SLC4A4: variants seen among roughly 807,000 people sequenced by gnomAD.
SLC4A4 encodes the protein solute carrier family 4 member 4.
In SLC4A4, 27 loss-of-function variants were observed where a neutral mutation model predicts 111.5. The ratio of observed to expected loss-of-function variants is 0.24; its 90% CI spans 0.18 to 0.33. SLC4A4 has a LOEUF of 0.33. Ranked by LOEUF, SLC4A4 falls within the 10% of genes least tolerant of loss-of-function variation. The probability of loss-of-function intolerance (pLI) is 1.00; values close to 1 mark genes in which losing one functional copy is unlikely to be tolerated. For missense variants in SLC4A4, 909 were observed against 1,315.5 expected (o/e 0.69, Z 4.78); for synonymous variants, 443 against 463.4 (o/e 0.96, Z 0.57).
At chr4:71,360,347 T>G (rs1730665622) in intron 6 of SLC4A4, among the ~76,000 whole-genome samples, 1 of 152,218 alleles carries the variant, frequency 6.6e-6, no homozygotes, top group Non-Finnish European at 1.5e-5. Flanking sequence ...TTAAATTTTT[T>G]TTTTTGACCA....
chr4:71,160,670 A>C (rs553085206), intron 2 of SLC4A4, among the ~76,000 whole-genome samples: 1 of 124,710 alleles, frequency 8.0e-6, no homozygotes, highest in East Asian at 2.0e-4. Flanking sequence ...GAAAAAAAGA[A>C]AGGAATGATT....
At chr4:71,549,046 C>A (rs982558594) in intron 20 of SLC4A4, among the ~76,000 whole-genome samples, 12 of 151,950 alleles carry the variant, frequency 7.9e-5, no homozygotes, top group African/African-American at 2.9e-4. Context: ...ATATGTATCT[C>A]ATCTTAGACA....
intron 2 of SLC4A4, among the ~76,000 whole-genome samples, chr4:71,151,545 T>A (rs1399895894): frequency 6.6e-6 from 1 of 152,136 alleles, no homozygotes; most frequent in Admixed American, 6.6e-5. Flanking sequence ...CATCTGTTCT[T>A]TCCTCTGTTT....
intron 14 of SLC4A4, among the ~76,000 whole-genome samples, chr4:71,482,247 G>A (rs1728950021): frequency 6.6e-6 from 1 of 151,558 alleles, no homozygotes. Flanking sequence ...CTTTTTAAAT[G>A]TATTTATTTT....
chr4:71,229,788 A>G (rs1389726537), intron 1 of SLC4A4, among the ~76,000 whole-genome samples: 2 of 149,366 alleles, frequency 1.3e-5, no homozygotes, highest in Non-Finnish European at 3.0e-5. Flanking sequence ...TGGGAATGAA[A>G]GGCCTTCTTA....
At chr4:71,562,659 T>C (rs141578018) in intron 23 of SLC4A4, among the ~76,000 whole-genome samples, 1,895 of 151,922 alleles carry the variant, frequency 0.012, 39 homozygotes, top group African/African-American at 0.043. Context: ...GCATGTGAGA[T>C]GGGTCTCCTG....
intron 3 of SLC4A4, among the ~76,000 whole-genome samples, chr4:71,304,255 G>T (rs1473032373): frequency 1.3e-5 from 2 of 152,172 alleles, no homozygotes; most frequent in Admixed American, 1.3e-4. Flanking sequence ...CCCACAGTCT[G>T]CTGTCTGCAA....
At chr4:71,408,942 T>C (rs891056384) in intron 7 of SLC4A4, among the ~76,000 whole-genome samples, 20 of 152,326 alleles carry the variant, frequency 1.3e-4, no homozygotes, top group African/African-American at 4.8e-4. Flanking sequence ...TTTCCTTTTC[T>C]ATTCTCATGA....
At chr4:71,236,679 G>A in intron 2 of SLC4A4, 30 bp downstream of exon 2, 1 of 1,553,864 alleles carries the variant, frequency 6.4e-7, no homozygotes, top group Non-Finnish European at 8.9e-7. Context: ...GAAAGTGTCT[G>A]TTGACATACA....
intron 2 of SLC4A4, among the ~76,000 whole-genome samples, chr4:71,129,593 G>A (rs941496518): frequency 6.6e-6 from 1 of 151,980 alleles, no homozygotes; most frequent in African/African-American, 2.4e-5. Flanking sequence ...ATTACCATTC[G>A]ACCCAGTAAT....
intron 3 of SLC4A4, among the ~76,000 whole-genome samples, chr4:71,332,774 C>A (rs868073220): frequency 1.3e-5 from 2 of 152,182 alleles, no homozygotes; most frequent in African/African-American, 4.8e-5. Context: ...CTCACTAATT[C>A]TTCTGCTTAA....
chr4:71,237,804 TC>T (rs1719914834), intron 2 of SLC4A4, among the ~76,000 whole-genome samples: 1 of 152,182 alleles, frequency 6.6e-6, no homozygotes, highest in Non-Finnish European at 1.5e-5. Flanking sequence ...CCCCTCAACT[TC>T]CCGCATTTAT....
intron 6 of SLC4A4, among the ~76,000 whole-genome samples, chr4:71,377,521 G>A (rs1732522093): frequency 6.6e-6 from 1 of 152,116 alleles, no homozygotes; most frequent in African/African-American, 2.4e-5. Flanking sequence ...CTGGTTTCAT[G>A]ACAAGTCATG....
At chr4:71,236,337 T>C in intron 1 of SLC4A4, 1 of 969,432 alleles carries the variant, frequency 1.0e-6, no homozygotes, top group East Asian at 4.0e-5. Flanking sequence ...TATTTTCTCT[T>C]ACCTGTCTAT....
intron 1 of SLC4A4, among the ~76,000 whole-genome samples, chr4:71,085,052 C>T (rs1742117795): frequency 6.6e-6 from 1 of 152,042 alleles, no homozygotes; most frequent in African/African-American, 2.4e-5. Context: ...TTCTCCACAT[C>T]CTCTCCAGCA....
chr4:71,209,628 G>T (rs960703107), intron 1 of SLC4A4, among the ~76,000 whole-genome samples: 1 of 152,078 alleles, frequency 6.6e-6, no homozygotes, highest in African/African-American at 2.4e-5. Flanking sequence ...GTACTCTGCA[G>T]TTGCATATCA....
At chr4:71,085,416 C>A (rs1364172470) in intron 1 of SLC4A4, among the ~76,000 whole-genome samples, 3 of 151,964 alleles carry the variant, frequency 2.0e-5, no homozygotes, top group African/African-American at 2.4e-5. Flanking sequence ...TTAATTAGAT[C>A]CCATTTGTCA....
At chr4:71,144,379 G>A (rs1400003430) in intron 2 of SLC4A4, among the ~76,000 whole-genome samples, 7 of 152,188 alleles carry the variant, frequency 4.6e-5, no homozygotes, top group South Asian at 4.1e-4. Flanking sequence ...GTCAGTTAGC[G>A]TGATGCCTCC....
Position 71,327,591 on chromosome 4 carries a change from C to G in SLC4A4, c.254-11779C>G, listed in dbSNP as rs116009400. 7.3e-3 allele frequency among the ~76,000 whole-genome samples: 1,111 copies of G among 152,042 alleles called. 14 individuals carry two copies. Among genetic ancestry groups the G allele is most frequent in the African/African-American group, 0.024 (982 of 41,512 alleles). ...CAAATGCAAAACATTTAACACATTTCCTGGGATAGCGTAACCATTCAAAAA... is the reference window on the plus strand; with the variant it reads ...CAAATGCAAAACATTTAACACATTTGCTGGGATAGCGTAACCATTCAAAAA... On this transcript the variant is annotated intron_variant, in intron 3 of 25. Coordinates refer to ENST00000264485, the MANE Select transcript of SLC4A4 (RefSeq NM_001098484.3).
Sources: allele counts gnomAD v4.1 joint callset (sites outside exome capture counted in the v4.1 genomes callset), GRCh38; gene constraint gnomAD v4.1.1; transcripts MANE v1.5; gene names NCBI Gene and HGNC (gene_info 2026-07-23, HGNC 2026-07-21).